Variants in RANBP2 observed in about 807,000 individuals in gnomAD.
The protein encoded by RANBP2 is RAN binding protein 2, also known as E3 SUMO-protein ligase RanBP2.
A neutral mutation model predicts 303.6 loss-of-function variants in RANBP2; 57 were observed. The ratio of observed to expected loss-of-function variants is 0.19; its 90% CI spans 0.15 to 0.23. The LOEUF (loss-of-function observed/expected upper bound fraction) is 0.23, where lower values mean the gene tolerates loss of function less well. Ranked by LOEUF, RANBP2 falls within the 10% of genes least tolerant of loss-of-function variation. The pLI is 1.00. For missense variants in RANBP2, 3,138 were observed against 3,780.8 expected, an observed-to-expected ratio of 0.83 and a Z score of 4.46; for synonymous variants, 1,167 against 1,301.5, an observed-to-expected ratio of 0.90 and a Z score of 2.23.
chr2:108,879,888 A>C, the RANBP2 span, among the ~76,000 whole-genome samples: 3 of 152,162 alleles, frequency 2.0e-5, no homozygotes, highest in African/African-American at 7.2e-5. Context: ...GGAATAACAG[A>C]AGAAATTTTC....
the RANBP2 span, among the ~76,000 whole-genome samples, chr2:108,963,299 T>C: frequency 6.6e-6 from 1 of 152,232 alleles, no homozygotes. Flanking sequence ...AAACTGTTCA[T>C]AGCAACTATG....
chr2:109,579,026 A>C, the RANBP2 span, among the ~76,000 whole-genome samples: 1 of 152,314 alleles, frequency 6.6e-6, no homozygotes, highest in African/African-American at 2.4e-5. Flanking sequence ...TAAATTGACA[A>C]CACTTTGTCA....
At chr2:108,977,468 CA>C in the RANBP2 span, among the ~76,000 whole-genome samples, 2 of 152,168 alleles carry the variant, frequency 1.3e-5, no homozygotes, top group African/African-American at 4.8e-5. Context: ...GACGCGGTTT[CA>C]CTGTGTTCGC....
the RANBP2 span, among the ~76,000 whole-genome samples, chr2:109,573,851 A>G: frequency 1.3e-5 from 2 of 152,202 alleles, no homozygotes; most frequent in Non-Finnish European, 2.9e-5. Context: ...TGGAAATTCA[A>G]AAATAGGTTT....
the RANBP2 span, chr2:109,129,549 C>T: frequency 1.3e-6 from 2 of 1,495,714 alleles, no homozygotes; most frequent in Non-Finnish European, 1.8e-6. Context: ...CCATGCTGCT[C>T]GGAGCGTCCT....
chr2:109,117,493 C>T, the RANBP2 span, among the ~76,000 whole-genome samples: 1 of 152,196 alleles, frequency 6.6e-6, no homozygotes, highest in Non-Finnish European at 1.5e-5. Context: ...CGGAAAAGTG[C>T]AGTATTAGGG....
chr2:109,532,034 C>A, the RANBP2 span, among the ~76,000 whole-genome samples: 1 of 152,224 alleles, frequency 6.6e-6, no homozygotes, highest in African/African-American at 2.4e-5. Flanking sequence ...GGTGGACACA[C>A]GGGACCCCAC....
chr2:109,170,320 TC>T, the RANBP2 span, among the ~76,000 whole-genome samples: 1 of 133,296 alleles, frequency 7.5e-6, no homozygotes, highest in Non-Finnish European at 1.6e-5. Flanking sequence ...TTCTCTCCTC[TC>T]TCTCTCTCCT....
chr2:109,161,854 G>A, the RANBP2 span, among the ~76,000 whole-genome samples: 1 of 151,822 alleles, frequency 6.6e-6, no homozygotes, highest in South Asian at 2.1e-4. Context: ...TCCAACATTG[G>A]GGATCACATT....
chr2:109,483,741 G>A, the RANBP2 span, among the ~76,000 whole-genome samples: 1 of 152,146 alleles, frequency 6.6e-6, no homozygotes, highest in Non-Finnish European at 1.5e-5. Context: ...GCCACATGAG[G>A]TCACAGTCCT....
intron 1 of RANBP2, among the ~76,000 whole-genome samples, chr2:108,728,489 TGTG>T (rs924078083): frequency 1.3e-4 from 20 of 151,976 alleles, no homozygotes; most frequent in Non-Finnish European, 1.6e-4. Flanking sequence ...AGGATCTTGT[TGTG>T]TTGCACAGGC....
chr2:109,535,962 CA>C, the RANBP2 span, among the ~76,000 whole-genome samples: 10 of 145,946 alleles, frequency 6.9e-5, no homozygotes, highest in African/African-American at 2.0e-4. Context: ...GCACAGAAGT[CA>C]AGAATTGAGG....
At chr2:109,515,675 C>G in the RANBP2 span, among the ~76,000 whole-genome samples, 5 of 152,144 alleles carry the variant, frequency 3.3e-5, no homozygotes, top group East Asian at 1.9e-4. Context: ...ATACCTGAGG[C>G]TGGATAATTT....
the RANBP2 span, among the ~76,000 whole-genome samples, chr2:109,372,033 C>G: frequency 6.6e-6 from 1 of 152,236 alleles, no homozygotes; most frequent in African/African-American, 2.4e-5. Context: ...GCTCTTTTCT[C>G]ATGAGCACCA....
chr2:108,783,535 C>A, intron 28 of RANBP2, 61 bp from the exon 29 acceptor site: 1 of 1,276,034 alleles, frequency 7.8e-7, no homozygotes, highest in Non-Finnish European at 1.1e-6. Flanking sequence ...TAATATTTTA[C>A]TCAGGATTCC....
At chr2:109,706,080 C>A in the RANBP2 span, among the ~76,000 whole-genome samples, 2 of 152,142 alleles carry the variant, frequency 1.3e-5, no homozygotes, top group Admixed American at 1.3e-4. Flanking sequence ...AAAATCCAGC[C>A]TCTTCTCATG....
the RANBP2 span, chr2:108,910,590 G>T: frequency 6.7e-7 from 1 of 1,484,472 alleles, no homozygotes; most frequent in Non-Finnish European, 9.4e-7. Context: ...ATGGCTCTGC[G>T]CTCAGCCCAA....
chr2:108,932,664 T>G, the RANBP2 span, among the ~76,000 whole-genome samples: 1 of 151,688 alleles, frequency 6.6e-6, no homozygotes, highest in Non-Finnish European at 1.5e-5. Flanking sequence ...GGGACTGACA[T>G]GGACAATCTT....
chr2:108,756,735 C>G (rs945735868), intron 17 of RANBP2, among the ~76,000 whole-genome samples: 3 of 152,182 alleles, frequency 2.0e-5, no homozygotes, highest in African/African-American at 7.2e-5. Context: ...AATTAATGAT[C>G]TTGGGCCAGT....
Sources: allele counts gnomAD v4.1 joint callset (sites outside exome capture counted in the v4.1 genomes callset), GRCh38; gene constraint gnomAD v4.1.1; transcripts MANE v1.5; gene names NCBI Gene and HGNC (gene_info 2026-07-23, HGNC 2026-07-21).